The following BOD1L1 variants were observed in gnomAD, a reference collection of about 807,000 sequenced individuals.
BOD1L1 encodes the protein biorientation of chromosomes in cell division protein 1-like 1.
In BOD1L1, 86 loss-of-function variants were observed where a neutral mutation model predicts 240.7. The ratio of observed to expected loss-of-function variants is 0.36; its 90% CI spans 0.30 to 0.43. BOD1L1 has a LOEUF of 0.43. Ranked by LOEUF, BOD1L1 falls within the 20% of genes least tolerant of loss-of-function variation. The pLI is 1.00. For missense variants in BOD1L1, 3,554 were observed against 3,643.5 expected (o/e 0.98, Z 0.63); for synonymous variants, 1,268 against 1,272.3 (o/e 1.00, Z 0.07).
chr4:13,604,880 T>C lies in BOD1L1; in HGVS notation c.2020A>G (p.Arg674Gly), dbSNP rs1354766741. The C allele has an allele frequency of 2.5e-6, 4 of 1,612,726 alleles. No homozygotes were observed. The South Asian group carries it at 4.4e-5, about 18-fold the overall frequency. ...CGTTCTACTTGCCTTTTTACATCTC[T>C]TGTGTCAGTCTCTTCCTGTACCCCC... ...MEGVQEETDT[R>G]DVKRQVERSE... The change falls in exon 10 of 26, where the codon AGA becomes GGA. Residue 674 changes from arginine (R) to glycine (G), a missense_variant. This residue lies in a region of BOD1L1 where 3,393 missense variants were observed against 3,427.1 expected (regional missense o/e 0.99). Coordinates refer to ENST00000040738, the MANE Select transcript of BOD1L1 (RefSeq NM_148894.3).
chr4:13,604,157 T>C lies in BOD1L1; in HGVS notation c.2743A>G (p.Lys915Glu). 2 of 1,613,082 alleles carry C rather than the reference T, an allele frequency of 1.2e-6. No homozygotes were observed. The highest frequency in any genetic ancestry group is 1.7e-6 in the Non-Finnish European group (2 of 1,179,700). The change falls in exon 10 of 26, where the codon AAA (lysine) becomes GAA (glutamate). Residue 915 changes from lysine to glutamate, a missense_variant. Transcript: ENST00000040738. ...ACTTTTACCTGTTTGCCTTGAGTTTTTGATTTAGACTTCAACACAAGTTTC... is the reference window on the plus strand; with the variant it reads ...ACTTTTACCTGTTTGCCTTGAGTTTCTGATTTAGACTTCAACACAAGTTTC... Reference protein sequence around the residue: ...EEKLVLKSKSKTQGKQVKVVE... With the variant: ...EEKLVLKSKSETQGKQVKVVE...
intron 2 of BOD1L1, 58 bp downstream of exon 2, chr4:13,619,885 C>A: frequency 6.4e-7 from 1 of 1,570,554 alleles, no homozygotes; most frequent in Non-Finnish European, 8.7e-7. Context: ...CCTCCGCTTT[C>A]AGGCAAAGTA....
rs562985951 is a variant in BOD1L1 at position 13,599,098 on chromosome 4, T to C, written c.7802A>G (p.Gln2601Arg). 6.1e-5 allele frequency: 98 copies of C among 1,613,928 alleles called. No homozygotes were observed. The highest frequency in any genetic ancestry group is 8.3e-5 in the Admixed American group (5 of 60,010). ...SVALLAPKCE[Q>R]DLTIKNDYSG... Reference sequence around the variant, plus strand: ...ATAATCATTCTTTATAGTCAAGTCCTGCTCACATTTAGGAGCCAACAGAGC... The same window carrying C: ...ATAATCATTCTTTATAGTCAAGTCCCGCTCACATTTAGGAGCCAACAGAGC... The change falls in exon 10 of 26, where the codon CAG (glutamine) becomes CGG (arginine). Residue 2601 changes from glutamine (Q) to arginine (R), a missense_variant. Coordinates refer to ENST00000040738, the MANE Select transcript of BOD1L1 (RefSeq NM_148894.3).
chr4:13,612,592 G>A (rs982803485), intron 5 of BOD1L1, among the ~76,000 whole-genome samples: 3 of 152,068 alleles, frequency 2.0e-5, no homozygotes, highest in Non-Finnish European at 2.9e-5. Flanking sequence ...TGCTCAGGAG[G>A]GGTTTTCTGA....
chr4:13,577,346 CT>C, intron 24 of BOD1L1, 56 bp downstream of exon 24: 2 of 1,480,990 alleles, frequency 1.4e-6, no homozygotes, highest in East Asian at 4.6e-5. Flanking sequence ...AAGAAAAACT[CT>C]TTAAAAAGGT....
chr4:13,582,604 G>A (rs759508555), intron 18 of BOD1L1, 48 bp downstream of exon 18: 2 of 1,387,218 alleles, frequency 1.4e-6, no homozygotes, highest in South Asian at 2.4e-5. Context: ...AGACACGCTG[G>A]CTGCTTTGAA....
chr4:13,591,147 C>T (rs538209773), intron 13 of BOD1L1, among the ~76,000 whole-genome samples: 3 of 152,132 alleles, frequency 2.0e-5, no homozygotes, highest in Admixed American at 6.5e-5. Flanking sequence ...TCAAATGATC[C>T]TCCCACCTCA....
chr4:13,597,294 T>C (rs898823856), intron 10 of BOD1L1, 126 bp from the exon 11 acceptor site: 9 of 680,850 alleles, frequency 1.3e-5, no homozygotes, highest in African/African-American at 1.3e-4. Context: ...TTTATTTTGC[T>C]GTCAGTAGAA....
Position 13,577,000 on chromosome 4 carries a change from A to G in BOD1L1, c.8885-9T>C. The stretch of plus-strand genomic sequence containing the variant: ...TTCTGGCTCTGAGGATTCTGTTCAA[A>G]TAGAAGGGTAACACCTGGATTTTAC... On this transcript the variant is annotated splice_polypyrimidine_tract_variant and intron_variant, in intron 24 of 25. Coordinates refer to ENST00000040738, the MANE Select transcript of BOD1L1 (RefSeq NM_148894.3). 6.2e-7 allele frequency: 1 copy of G among 1,613,164 alleles called. No homozygotes were observed. Among genetic ancestry groups the G allele is most frequent in the Non-Finnish European group, 8.5e-7 (1 of 1,179,514 alleles).
At chr4:13,607,336 G>A in intron 8 of BOD1L1, 147 bp from the exon 9 acceptor site, 1 of 300,814 alleles carries the variant, frequency 3.3e-6, no homozygotes, top group Non-Finnish European at 5.6e-6. Context: ...TCTTGCTCTT[G>A]TTGCCCAGGC....
intron 8 of BOD1L1, among the ~76,000 whole-genome samples, chr4:13,607,499 T>C (rs753803469): frequency 3.3e-5 from 5 of 152,310 alleles, no homozygotes; most frequent in East Asian, 3.9e-4. Context: ...GGTTTCACCA[T>C]GTTGGTCAGG....
At chr4:13,616,017 CT>C (rs1461942366) in intron 2 of BOD1L1, among the ~76,000 whole-genome samples, 4 of 152,074 alleles carry the variant, frequency 2.6e-5, no homozygotes, top group Non-Finnish European at 5.9e-5. Flanking sequence ...AGAAGGAAAA[CT>C]TTAGAGAAAA....
intron 21 of BOD1L1, 48 bp from the exon 22 acceptor site, chr4:13,580,021 T>C (rs576117750): frequency 7.6e-6 from 10 of 1,320,836 alleles, no homozygotes; most frequent in Admixed American, 2.0e-5. Context: ...CAGCAGTTTA[T>C]AATCATCACA....
At chr4:13,590,638 G>A (rs1560189312) in intron 13 of BOD1L1, among the ~76,000 whole-genome samples, 192 bp from the exon 14 acceptor site, 1 of 152,116 alleles carries the variant, frequency 6.6e-6, no homozygotes, top group African/African-American at 2.4e-5. Flanking sequence ...AAAAATTTCA[G>A]TTTAACAAAT....
chr4:13,570,545 T>C (rs532953520), intron 25 of BOD1L1, among the ~76,000 whole-genome samples: 133 of 152,312 alleles, frequency 8.7e-4, no homozygotes, highest in African/African-American at 3.1e-3. Context: ...TTGGACCAAG[T>C]GCAAAATCAT....
intron 2 of BOD1L1, among the ~76,000 whole-genome samples, chr4:13,618,861 A>G (rs1368145765): frequency 1.1e-5 from 1 of 94,208 alleles, no homozygotes; most frequent in Non-Finnish European, 2.8e-5. Flanking sequence ...AGATTTGTTT[A>G]ACTGTTAAAA....
At chr4:13,585,880 T>C (rs1019637254) in intron 17 of BOD1L1, among the ~76,000 whole-genome samples, 1 of 152,196 alleles carries the variant, frequency 6.6e-6, no homozygotes, top group Non-Finnish European at 1.5e-5. Flanking sequence ...GCTCCTCCTT[T>C]GCCTTCTACC....
intron 1 of BOD1L1, among the ~76,000 whole-genome samples, chr4:13,622,803 G>A (rs780596129): frequency 2.6e-5 from 4 of 152,212 alleles, no homozygotes; most frequent in Admixed American, 6.5e-5. Context: ...GCTATTACAC[G>A]TGGTCAACCC....
chr4:13,596,222 C>T (rs1472312486), intron 11 of BOD1L1, among the ~76,000 whole-genome samples: 2 of 152,126 alleles, frequency 1.3e-5, no homozygotes, highest in Non-Finnish European at 2.9e-5. Flanking sequence ...TCCTGATGGG[C>T]TCCCACTCCC....
Sources: gnomAD v4.1 joint callset for allele counts (sites outside exome capture counted in the v4.1 genomes callset) on GRCh38, gnomAD v4.1.1 for gene constraint, gnomAD v4.1.1 regional missense constraint, MANE v1.5 for transcripts, NCBI Gene and HGNC (gene_info 2026-07-23, HGNC 2026-07-21) for gene names.